The following PRIM2 variants were observed in gnomAD, a reference collection of about 807,000 sequenced individuals.
The protein encoded by PRIM2 is DNA primase large subunit.
PRIM2 carries 39 observed loss-of-function variants against 67.3 expected under a neutral mutation model. The observed-to-expected ratio is 0.58, with a 90% confidence interval of 0.45 to 0.76. The LOEUF (loss-of-function observed/expected upper bound fraction) is 0.76, where lower values mean the gene tolerates loss of function less well. Among genes scored for constraint, PRIM2 ranks in the 30% least tolerant of loss-of-function variants. PRIM2 has a pLI of 0.00. For missense variants in PRIM2, 398 were observed against 598.7 expected, an observed-to-expected ratio of 0.66 and a Z score of 3.50; for synonymous variants, 143 against 198.7, an observed-to-expected ratio of 0.72 and a Z score of 2.36.
intron 1 of PRIM2, among the ~76,000 whole-genome samples, chr6:57,318,148 A>G (rs1225277344): frequency 6.6e-6 from 1 of 152,190 alleles, no homozygotes; most frequent in Non-Finnish European, 1.5e-5. Context: ...CAGGCCTATA[A>G]TGAGCAGGCA....
intron 7 of PRIM2, among the ~76,000 whole-genome samples, chr6:57,456,171 G>A (rs1772771835): frequency 6.6e-6 from 1 of 152,168 alleles, no homozygotes; most frequent in African/African-American, 2.4e-5. Context: ...AGTCTGATGG[G>A]CTTCCCTTTG....
chr6:57,233,392 T>A, the PRIM2 span, among the ~76,000 whole-genome samples: 131 of 152,226 alleles, frequency 8.6e-4, no homozygotes, highest in African/African-American at 3.1e-3. Flanking sequence ...AATCTTTGGG[T>A]TTTATCTAGA....
chr6:57,306,490 C>T, the PRIM2 span, among the ~76,000 whole-genome samples: 1 of 152,180 alleles, frequency 6.6e-6, no homozygotes, highest in Non-Finnish European at 1.5e-5. Context: ...AGGACCTTTG[C>T]ATCCTGGCAC....
chr6:57,296,537 A>T, the PRIM2 span, among the ~76,000 whole-genome samples: 5 of 152,040 alleles, frequency 3.3e-5, no homozygotes, highest in African/African-American at 1.2e-4. Context: ...AATTGTATGT[A>T]TATATAGAGA....
At chr6:57,310,684 CAG>C (rs1177212000), upstream of PRIM2, among the ~76,000 whole-genome samples, 4 of 145,598 alleles carry the variant, frequency 2.7e-5, no homozygotes. Flanking sequence ...GGCGGCCAGG[CAG>C]AGACACCCCT....
chr6:57,506,007 A>G (rs1554347211), intron 7 of PRIM2, among the ~76,000 whole-genome samples: 14,845 of 151,988 alleles, frequency 0.098, 820 homozygotes, highest in Middle Eastern at 0.15. Context: ...AGGATTTGAC[A>G]TTAACAGATA....
rs149436085 is a variant in PRIM2, at chr6:57,439,404, G to GTTT, written c.693+57263_693+57265dup. Among the ~76,000 whole-genome samples, 95 of 57,054 alleles carry GTTT rather than the reference G, an allele frequency of 1.7e-3. 13 individuals carry two copies. Among genetic ancestry groups the GTTT allele is most frequent in the South Asian group, 6.0e-3 (5 of 832 alleles). The allele number at this position is 57,054 out of a possible 152,430, so 37.4% of individuals were successfully genotyped here. The stretch of plus-strand genomic sequence containing the variant: ...CATGAGCTTTGAGTAGAGGTACTCT[G>GTTT]TTTTTTTTTTTTTTTTTTTTTTTTT... On this transcript the variant is annotated intron_variant, in intron 7 of 13. Transcript: ENST00000615550.
intron 5 of PRIM2, among the ~76,000 whole-genome samples, chr6:57,360,576 A>G (rs924845992): frequency 3.9e-5 from 6 of 152,226 alleles, no homozygotes; most frequent in African/African-American, 7.2e-5. Context: ...TGCTGCTATT[A>G]TGACACTTTG....
chr6:57,433,954 C>T (rs1226226002), intron 7 of PRIM2, among the ~76,000 whole-genome samples: 5 of 130,610 alleles, frequency 3.8e-5, no homozygotes, highest in Admixed American at 2.6e-4. Flanking sequence ...GACAGAGTTT[C>T]GCTCTTGTTG....
intron 10 of PRIM2, among the ~76,000 whole-genome samples, chr6:57,584,333 C>A (rs1305426309): frequency 2.0e-5 from 3 of 152,096 alleles, no homozygotes; most frequent in Non-Finnish European, 4.4e-5. Context: ...TATGGCAGAG[C>A]CTTTGATACA....
the PRIM2 span, among the ~76,000 whole-genome samples, chr6:57,273,794 G>C: frequency 3.3e-5 from 5 of 152,138 alleles, no homozygotes; most frequent in Non-Finnish European, 7.4e-5. Flanking sequence ...GTGACATACA[G>C]ATGGGTTTTT....
intron 7 of PRIM2, among the ~76,000 whole-genome samples, chr6:57,481,169 C>T (rs1773619584): frequency 6.6e-6 from 1 of 152,104 alleles, no homozygotes; most frequent in African/African-American, 2.4e-5. Flanking sequence ...GCTGTCTTAT[C>T]ATGTGAAAAT....
Position 57,518,776 on chromosome 6 carries a change from A to G in PRIM2, c.761+11322A>G, listed in dbSNP as rs1554348542. ...TGCTGTTTTTATCTTTTGTTTTGGG[A>G]CATAGGACTCTTCTTTATGCAATCA... On this transcript the variant is annotated intron_variant, in intron 8 of 13. Transcript: ENST00000615550. 2.1e-4 allele frequency among the ~76,000 whole-genome samples: 32 copies of G among 152,306 alleles called. No homozygotes were observed. In the South Asian group the frequency reaches 6.2e-3, roughly 30 times the overall value.
At chr6:57,486,966 A>T (rs1233475728) in intron 7 of PRIM2, among the ~76,000 whole-genome samples, 1 of 152,190 alleles carries the variant, frequency 6.6e-6, no homozygotes, top group South Asian at 2.1e-4. Context: ...TCAGAAAATA[A>T]AGCAGTTGAG....
At chr6:57,247,688 T>C in the PRIM2 span, among the ~76,000 whole-genome samples, 1 of 152,204 alleles carries the variant, frequency 6.6e-6, no homozygotes, top group African/African-American at 2.4e-5. Flanking sequence ...TAGGTTGTCA[T>C]TTTGGACACT....
chr6:57,482,194 G>T (rs1311174603), intron 7 of PRIM2, among the ~76,000 whole-genome samples: 3 of 151,236 alleles, frequency 2.0e-5, no homozygotes, highest in Non-Finnish European at 4.4e-5. Flanking sequence ...GGAAAATGAT[G>T]AGTTTGGTTT....
At chr6:57,229,812 A>G in the PRIM2 span, among the ~76,000 whole-genome samples, 3 of 152,032 alleles carry the variant, frequency 2.0e-5, no homozygotes, top group Admixed American at 2.0e-4. Context: ...ATTCTTTTGA[A>G]CATAATTATT....
intron 5 of PRIM2, among the ~76,000 whole-genome samples, chr6:57,332,532 A>T (rs958400923): frequency 4.6e-5 from 7 of 151,914 alleles, no homozygotes; most frequent in African/African-American, 1.7e-4. Flanking sequence ...TGCTTCATTT[A>T]TTTTGGGGCT....
intron 10 of PRIM2, among the ~76,000 whole-genome samples, chr6:57,593,225 C>G (rs1271728188): frequency 6.6e-6 from 1 of 152,064 alleles, no homozygotes; most frequent in Non-Finnish European, 1.5e-5. Flanking sequence ...GACTTTCTGG[C>G]CTTTCCCCAC....
Sources: gnomAD v4.1 joint callset for allele counts (sites outside exome capture counted in the v4.1 genomes callset) on GRCh38, gnomAD v4.1.1 for gene constraint, MANE v1.5 for transcripts, NCBI Gene and HGNC (gene_info 2026-07-23, HGNC 2026-07-21) for gene names.